The following OLFML2B variants were observed in gnomAD, a reference collection of about 807,000 sequenced individuals.
The protein encoded by OLFML2B is olfactomedin like 2B, also known as olfactomedin-like protein 2B.
In OLFML2B, 57 loss-of-function variants were observed where a neutral mutation model predicts 74.9. That is an observed-to-expected ratio of 0.76 (90% CI 0.61 to 0.95). The LOEUF is 0.95. Ranked by LOEUF, OLFML2B falls within the 40% of genes least tolerant of loss-of-function variation. The pLI is 0.00. For missense variants in OLFML2B, 986 were observed against 970.6 expected, an observed-to-expected ratio of 1.02 and a Z score of -0.21; for synonymous variants, 388 against 405.8, an observed-to-expected ratio of 0.96 and a Z score of 0.53.
intron 6 of OLFML2B, among the ~76,000 whole-genome samples, chr1:161,990,952 C>A (rs938133276): frequency 1.3e-5 from 2 of 152,192 alleles, no homozygotes; most frequent in African/African-American, 4.8e-5. Flanking sequence ...CTTTGTTCAT[C>A]AATAAGAAAC....
In OLFML2B at chr1:161,997,735, C is replaced by T. The variant is rs565490968; in HGVS notation, c.1474+90G>A. On this transcript the variant is annotated intron_variant, in intron 6 of 7. Coordinates refer to ENST00000294794, the MANE Select transcript of OLFML2B (RefSeq NM_015441.3). ...CATTCCCATAAAGAACTTTGACCAT[C>T]TGGTGCCTCCCTCTCCTCTCAAGAT... is the stretch of plus-strand genomic sequence containing the variant. The T allele has an allele frequency of 5.7e-6, 8 of 1,394,696 alleles. No individual in the cohort carries two copies. In the African/African-American group the frequency reaches 1.0e-4, roughly 18 times the overall value. 86.4% of individuals were successfully genotyped at this position (1,394,696 alleles called of 1,614,324 possible). A position where few individuals can be genotyped will look rare whatever the true frequency, so the allele number is the denominator to read the frequency against.
At chr1:161,985,021 G>T (rs1289222026) in intron 6 of OLFML2B, 41 bp from the exon 7 acceptor site, 14 of 1,569,280 alleles carry the variant, frequency 8.9e-6, no homozygotes, top group Non-Finnish European at 1.2e-5. Flanking sequence ...GGCTGATCTA[G>T]TGATGCCTCA....
At chr1:162,003,272 G>T (rs1237790878) in intron 4 of OLFML2B, among the ~76,000 whole-genome samples, 1 of 152,218 alleles carries the variant, frequency 6.6e-6, no homozygotes, top group African/African-American at 2.4e-5. Flanking sequence ...GAGCTGCTCG[G>T]CAGGCTGTCA....
Position 161,983,848 on chromosome 1 carries a change from C to T in OLFML2B, c.2080G>A (p.Ala694Thr), listed in dbSNP as rs1265970866. Reference protein sequence around the residue: ...YAVDSYNQRNANISYAFDTHT... With the variant: ...YAVDSYNQRNTNISYAFDTHT... ...GTGTCGAAAGCGTAGGAGATGTTGG[C>T]ATTCCGCTGGTTGTAGCTATCCACG... The change falls in exon 8 of 8, where the codon GCC becomes ACC. Residue 694 changes from alanine to threonine, a missense_variant. Ala to Thr is a moderately conservative substitution (Grantham distance 58, BLOSUM62 0). Transcript: ENST00000294794. 5.0e-6 allele frequency: 8 copies of T among 1,614,160 alleles called. No individual in the cohort carries two copies. The highest frequency in any genetic ancestry group is 1.7e-5 in the Admixed American group (1 of 60,028).
In OLFML2B at chr1:161,983,914, A is replaced by T. The variant is rs773640689; in HGVS notation, c.2014T>A (p.Phe672Ile). Residue 672 changes from phenylalanine (F) to isoleucine (I), a missense_variant, in exon 8 of 8, where the codon TTC becomes ATC. Phe to Ile is a conservative substitution (Grantham distance 21). Transcript: ENST00000294794. ...TTWRTGLRRN[F>I]YGNCFVICGV... ...CAGATGACGAAGCAGTTGCCGTAGA[A>T]ATTCCTCCGGAGCCCCGTGCGCCAT... 2 of 1,614,176 alleles carry T rather than the reference A, an allele frequency of 1.2e-6. No homozygotes were observed. Among genetic ancestry groups the T allele is most frequent in the South Asian group, 1.1e-5 (1 of 91,080 alleles).
intron 6 of OLFML2B, among the ~76,000 whole-genome samples, chr1:161,991,799 A>G (rs1456267198): frequency 6.6e-6 from 1 of 152,242 alleles, no homozygotes; most frequent in African/African-American, 2.4e-5. Context: ...TCAGTAAACC[A>G]TGCTGTAAAA....
chr1:162,009,126 T>G (rs1470173564), intron 3 of OLFML2B, among the ~76,000 whole-genome samples: 1 of 152,088 alleles, frequency 6.6e-6, no homozygotes, highest in Non-Finnish European at 1.5e-5. Context: ...GCACCCTCCA[T>G]GAGGGGGAAG....
chr1:162,003,519 C>T (rs976681950), intron 4 of OLFML2B, among the ~76,000 whole-genome samples: 5 of 152,226 alleles, frequency 3.3e-5, no homozygotes, highest in Non-Finnish European at 7.3e-5. Context: ...CACGGATCCA[C>T]TGGCGACAGG....
At chr1:162,005,849 G>A (rs1186640278) in intron 4 of OLFML2B, among the ~76,000 whole-genome samples, 2 of 143,138 alleles carry the variant, frequency 1.4e-5, no homozygotes, top group Non-Finnish European at 3.0e-5. Context: ...AGGCTGCAGT[G>A]AGCTATGATC....
chr1:162,022,867 G>A lies in OLFML2B; in HGVS notation c.174+390C>T, dbSNP rs79228428. On this transcript the variant is annotated intron_variant, in intron 1 of 7. Coordinates refer to ENST00000294794, the MANE Select transcript of OLFML2B (RefSeq NM_015441.3). ...CACCCTCTGCCATAAAGTATCTCCC[G>A]ATGGGATATGCCATCTGCCTCCTGG... is the stretch of plus-strand genomic sequence containing the variant. Among the ~76,000 whole-genome samples, 1,200 of 152,150 alleles carry A rather than the reference G, an allele frequency of 7.9e-3. 68 individuals carry two copies. The East Asian group carries it at 0.15, about 19-fold the overall frequency.
intron 5 of OLFML2B, among the ~76,000 whole-genome samples, chr1:161,998,930 T>A (rs564829874): frequency 6.6e-6 from 1 of 152,290 alleles, no homozygotes; most frequent in African/African-American, 2.4e-5. Context: ...AGGAGTCAGC[T>A]GAGCAGCCAT....
chr1:161,985,682 A>G (rs1268731570), intron 6 of OLFML2B, among the ~76,000 whole-genome samples: 1 of 152,178 alleles, frequency 6.6e-6, no homozygotes, highest in East Asian at 1.9e-4. Context: ...CCTGAGGCCC[A>G]CCTGCTGTCC....
intron 3 of OLFML2B, among the ~76,000 whole-genome samples, chr1:162,007,527 A>T (rs564094571): frequency 6.6e-6 from 1 of 152,290 alleles, no homozygotes; most frequent in East Asian, 1.9e-4. Flanking sequence ...CTTAAATGTG[A>T]TGTTCTCCTT....
intron 5 of OLFML2B, 147 bp from the exon 6 acceptor site, chr1:161,998,496 GGAA>G (rs1157761283): frequency 6.1e-6 from 5 of 823,392 alleles, no homozygotes; most frequent in African/African-American, 3.4e-5. Flanking sequence ...CTGGGATTTT[GGAA>G]GAAGGTGTAC....
At chr1:161,991,836 G>T (rs1045863339) in intron 6 of OLFML2B, among the ~76,000 whole-genome samples, 1 of 152,214 alleles carries the variant, frequency 6.6e-6, no homozygotes, top group African/African-American at 2.4e-5. Context: ...AAGCTTTGTT[G>T]TTCCATGTAT....
chr1:162,012,240 G>T (rs189365084), intron 3 of OLFML2B, among the ~76,000 whole-genome samples: 1 of 152,272 alleles, frequency 6.6e-6, no homozygotes, highest in African/African-American at 2.4e-5. Flanking sequence ...CTCGACAGGG[G>T]TGGAGGGTGG....
chr1:161,990,856 T>A (rs1213183457), intron 6 of OLFML2B, among the ~76,000 whole-genome samples: 1 of 152,250 alleles, frequency 6.6e-6, no homozygotes, highest in African/African-American at 2.4e-5. Flanking sequence ...ACTAAGTTTA[T>A]GTAATATTCA....
At chr1:161,998,819 T>C (rs1003029860) in intron 5 of OLFML2B, among the ~76,000 whole-genome samples, 1 of 151,778 alleles carries the variant, frequency 6.6e-6, no homozygotes, top group Non-Finnish European at 1.5e-5. Flanking sequence ...GTAAAGAGGG[T>C]CAAACAAGCT....
intron 5 of OLFML2B, among the ~76,000 whole-genome samples, chr1:161,999,739 C>G (rs1379390708): frequency 6.6e-6 from 1 of 152,130 alleles, no homozygotes; most frequent in Non-Finnish European, 1.5e-5. Context: ...ACAGGAAGCT[C>G]AGGGCCCCCG....
Sources: allele counts gnomAD v4.1 joint callset (sites outside exome capture counted in the v4.1 genomes callset), GRCh38; gene constraint gnomAD v4.1.1; transcripts MANE v1.5; gene names NCBI Gene and HGNC (gene_info 2026-07-23, HGNC 2026-07-21).